The following IGF2BP2 variants were observed in gnomAD, a reference collection of about 807,000 sequenced individuals.
IGF2BP2 encodes the protein insulin like growth factor 2 mRNA binding protein 2, also known as insulin-like growth factor 2 mRNA-binding protein 2.
In IGF2BP2, 17 loss-of-function variants were observed where a neutral mutation model predicts 75.8. That is an observed-to-expected ratio of 0.22 (90% CI 0.15 to 0.34). The LOEUF (loss-of-function observed/expected upper bound fraction) is 0.34, where lower values mean the gene tolerates loss of function less well. Ranked by LOEUF, IGF2BP2 falls within the 10% of genes least tolerant of loss-of-function variation. The probability of loss-of-function intolerance (pLI) is 1.00; values close to 1 mark genes in which losing one functional copy is unlikely to be tolerated. For synonymous variants in IGF2BP2, 288 were observed against 295.6 expected, an observed-to-expected ratio of 0.97 and a Z score of 0.26; for missense variants, 516 against 772.4, an observed-to-expected ratio of 0.67 and a Z score of 3.93.
chr3:185,648,370 G>A (rs752520804), intron 14 of IGF2BP2, among the ~76,000 whole-genome samples: 1 of 151,718 alleles, frequency 6.6e-6, no homozygotes, highest in Non-Finnish European at 1.5e-5. Flanking sequence ...GGCCGAGGAA[G>A]GAGAATCACC....
At position 185,672,852 on chromosome 3, in the gene IGF2BP2, G is replaced by C. The variant is rs550928223; in HGVS notation, c.1072-183C>G. Among the ~76,000 whole-genome samples the C allele has an allele frequency of 1.1e-4, 16 of 152,218 alleles. No individual in the cohort carries two copies. The South Asian group carries it at 1.5e-3, about 14-fold the overall frequency. On this transcript the variant is annotated intron_variant, in intron 9 of 15. Coordinates refer to ENST00000382199, the MANE Select transcript of IGF2BP2 (RefSeq NM_006548.6). ...AACCTGACCATGGTGTTCCTTCAAG[G>C]CTTCTCTGCCACACTTGGGCATGTC...
chr3:185,752,095 T>A (rs1255919066), intron 2 of IGF2BP2, among the ~76,000 whole-genome samples: 1 of 152,242 alleles, frequency 6.6e-6, no homozygotes, highest in Non-Finnish European at 1.5e-5. Context: ...CAAGTCTTTA[T>A]ATATTCTTCT....
Position 185,665,507 on chromosome 3 carries a change from AGGAGG to A in IGF2BP2, c.1200+7029_1200+7033del. Among the ~76,000 whole-genome samples the A allele has an allele frequency of 5.8e-5, 8 of 137,258 alleles. 1 individual carries two copies. The highest frequency in any genetic ancestry group is 2.5e-4 in the South Asian group (1 of 3,936). 90.0% of individuals were successfully genotyped at this position (137,258 alleles called of 152,430 possible). ...AAGGAGGAGAAGGAGGAGGAGAAGG[AGGAGG>A]AGGAGAAGGAGGAGGAGGAGAAGGA... On this transcript the variant is annotated intron_variant, in intron 10 of 15. Coordinates refer to ENST00000382199, the MANE Select transcript of IGF2BP2 (RefSeq NM_006548.6).
intron 2 of IGF2BP2, among the ~76,000 whole-genome samples, chr3:185,761,922 G>A (rs1161372673): frequency 6.6e-6 from 1 of 152,198 alleles, no homozygotes; most frequent in Non-Finnish European, 1.5e-5. Context: ...TAGGGTCCGT[G>A]GTTACTTGAC....
intron 2 of IGF2BP2, chr3:185,724,406 CT>C: frequency 6.6e-6 from 1 of 152,268 alleles, no homozygotes. Context: ...ACTGCTATCC[CT>C]TTTTTCCCTC....
intron 10 of IGF2BP2, among the ~76,000 whole-genome samples, chr3:185,658,709 C>T (rs1715887880): frequency 1.3e-5 from 2 of 152,032 alleles, no homozygotes; most frequent in Admixed American, 1.3e-4. Context: ...TGAACACACA[C>T]ATACACACAT....
At chr3:185,719,145 T>C (rs561790422) in intron 2 of IGF2BP2, among the ~76,000 whole-genome samples, 6 of 152,292 alleles carry the variant, frequency 3.9e-5, no homozygotes, top group Admixed American at 2.0e-4. Flanking sequence ...TGGGGATAAC[T>C]GCAGAGGCCT....
intron 2 of IGF2BP2, chr3:185,768,047 C>G (rs1733333783): frequency 6.6e-6 from 1 of 151,906 alleles, no homozygotes. Flanking sequence ...TGACTTTATG[C>G]AAAAGAAAAA....
chr3:185,799,745 C>T (rs1737946951), intron 2 of IGF2BP2, among the ~76,000 whole-genome samples: 2 of 147,824 alleles, frequency 1.4e-5, no homozygotes, highest in African/African-American at 5.2e-5. Context: ...GAGCGAGACT[C>T]CGTCTCAAAA....
chr3:185,807,360 T>A (rs1306331288), intron 2 of IGF2BP2, among the ~76,000 whole-genome samples: 1 of 152,158 alleles, frequency 6.6e-6, no homozygotes, highest in Non-Finnish European at 1.5e-5. Context: ...ATTTATGAAA[T>A]GGGGATAACA....
chr3:185,711,726 G>A (rs1724828450), intron 2 of IGF2BP2, among the ~76,000 whole-genome samples: 3 of 152,106 alleles, frequency 2.0e-5, no homozygotes, highest in Non-Finnish European at 4.4e-5. Flanking sequence ...TTCCCTGGAC[G>A]CAGCCCAGGA....
chr3:185,715,004 A>C (rs1234014419), intron 2 of IGF2BP2, among the ~76,000 whole-genome samples: 1 of 152,164 alleles, frequency 6.6e-6, no homozygotes, highest in African/African-American at 2.4e-5. Context: ...CAGGGAGTGC[A>C]CCTCACATGC....
intron 5 of IGF2BP2, among the ~76,000 whole-genome samples, chr3:185,690,326 C>T (rs186594972): frequency 1.3e-5 from 2 of 152,192 alleles, no homozygotes; most frequent in East Asian, 3.9e-4. Flanking sequence ...AAATCCTAAT[C>T]CACTATCTTT....
intron 3 of IGF2BP2, among the ~76,000 whole-genome samples, chr3:185,697,987 C>T (rs1331232399): frequency 6.6e-6 from 1 of 152,096 alleles, no homozygotes; most frequent in East Asian, 1.9e-4. Flanking sequence ...CTGTCTCAAA[C>T]ATACAAACCA....
intron 6 of IGF2BP2, among the ~76,000 whole-genome samples, chr3:185,687,644 G>A (rs1175911963): frequency 6.6e-6 from 1 of 152,226 alleles, no homozygotes; most frequent in East Asian, 1.9e-4. Flanking sequence ...TTATATATTT[G>A]AGTGTGGATA....
Position 185,713,589 on chromosome 3 carries a change from G to A in IGF2BP2, c.240-15242C>T, listed in dbSNP as rs185464872. The A allele has an allele frequency of 4.0e-3, 1,845 of 464,324 alleles. 14 individuals carry two copies. The highest frequency in any genetic ancestry group is 9.5e-3 in the Middle Eastern group (28 of 2,938). 28.8% of individuals were successfully genotyped at this position (464,324 alleles called of 1,614,324 possible). ...TTTATTTCACATGGAGCTCTTTCTCGTTATTTTTAACATTGCGATTCTGTG... is the reference window on the plus strand; with the variant it reads ...TTTATTTCACATGGAGCTCTTTCTCATTATTTTTAACATTGCGATTCTGTG... On this transcript the variant is annotated intron_variant, in intron 2 of 15. Coordinates refer to ENST00000382199, the MANE Select transcript of IGF2BP2 (RefSeq NM_006548.6).
rs1737278187 is a variant in IGF2BP2 at position 185,795,710 on chromosome 3, G to A, written c.239+27443C>T. Among the ~76,000 whole-genome samples the A allele has an allele frequency of 2.0e-5, 3 of 152,000 alleles. No homozygotes were observed. The South Asian group carries it at 6.2e-4, about 32-fold the overall frequency. On this transcript the variant is annotated intron_variant, in intron 2 of 15. Coordinates refer to ENST00000382199, the MANE Select transcript of IGF2BP2 (RefSeq NM_006548.6). Reference sequence around the variant, plus strand: ...AGCCTGACCAATATGGTGAAACCCTGTATCTACTAAAAATACAAAAATTAG... The same window carrying A: ...AGCCTGACCAATATGGTGAAACCCTATATCTACTAAAAATACAAAAATTAG...
At chr3:185,655,192 C>T (rs1200837296) in intron 12 of IGF2BP2, among the ~76,000 whole-genome samples, 2 of 152,174 alleles carry the variant, frequency 1.3e-5, no homozygotes, top group Admixed American at 6.5e-5. Context: ...AGTGCAATGG[C>T]GTGATCTCGG....
chr3:185,682,907 GAACT>G (rs1269141805), intron 7 of IGF2BP2, among the ~76,000 whole-genome samples: 1 of 152,078 alleles, frequency 6.6e-6, no homozygotes, highest in Non-Finnish European at 1.5e-5. Context: ...ATTAAGAGTA[GAACT>G]ACCATATGAC....
Sources: allele counts gnomAD v4.1 joint callset (sites outside exome capture counted in the v4.1 genomes callset), GRCh38; gene constraint gnomAD v4.1.1; transcripts MANE v1.5; gene names NCBI Gene and HGNC (gene_info 2026-07-23, HGNC 2026-07-21).